Variants in GPC5 observed in about 807,000 individuals in gnomAD.
The protein encoded by GPC5 is glypican 5, also known as glypican-5.
Under a neutral mutation model 53.9 loss-of-function variants are expected in GPC5, and 47 were observed. The observed-to-expected ratio is 0.87, with a 90% confidence interval of 0.69 to 1.11. The LOEUF (loss-of-function observed/expected upper bound fraction) is 1.11, where lower values mean the gene tolerates loss of function less well. Among genes scored for constraint, GPC5 ranks in the 50% most tolerant of loss-of-function variants. GPC5 has a pLI of 0.00. For synonymous variants in GPC5, 286 were observed against 263.3 expected (o/e 1.09, Z -0.84); for missense variants, 748 against 713.1 (o/e 1.05, Z -0.56).
At position 92,023,300 on chromosome 13, in the gene GPC5, A is replaced by G. The variant is rs1217087200; in HGVS notation, c.1401+115243A>G. Among the ~76,000 whole-genome samples the G allele has an allele frequency of 2.0e-5, 3 of 152,110 alleles. No homozygotes were observed. The South Asian group carries it at 6.2e-4, about 31-fold the overall frequency. ...GACGTCATAAATCAAACAGAAGTTA[A>G]GCAAAAGGATCCTAAAAATAATTTT... On this transcript the variant is annotated intron_variant, in intron 6 of 7. Transcript: ENST00000377067.
intron 2 of GPC5, among the ~76,000 whole-genome samples, chr13:91,453,333 G>A (rs1881315974): frequency 6.6e-6 from 1 of 151,832 alleles, no homozygotes; most frequent in South Asian, 2.1e-4. Flanking sequence ...ACTGTAAAGT[G>A]TATAGCTATC....
chr13:92,620,315 T>A (rs1463827815), intron 7 of GPC5, among the ~76,000 whole-genome samples: 1 of 152,044 alleles, frequency 6.6e-6, no homozygotes, highest in South Asian at 2.1e-4. Flanking sequence ...ATTTAGAGGA[T>A]CAATCCAGGT....
chr13:92,110,375 C>T lies in GPC5; in HGVS notation c.1402-34455C>T, dbSNP rs189362841. On this transcript the variant is annotated intron_variant, in intron 6 of 7. Transcript: ENST00000377067. ...TGACAAGAAAGGTCTACTCAAAAAT[C>T]AGACTGATCATGTTTTGCTAAAAAT... 7.1e-4 allele frequency among the ~76,000 whole-genome samples: 108 copies of T among 152,264 alleles called. 1 individual carries two copies. Among genetic ancestry groups the T allele is most frequent in the African/African-American group, 2.4e-3 (99 of 41,546 alleles).
intron 5 of GPC5, among the ~76,000 whole-genome samples, chr13:91,774,050 GT>G: frequency 6.6e-6 from 1 of 152,154 alleles, no homozygotes; most frequent in Middle Eastern, 3.4e-3. Flanking sequence ...CTCTCTAAAA[GT>G]TTTGTAACAG....
chr13:92,507,366 T>C (rs889489237), intron 7 of GPC5, among the ~76,000 whole-genome samples: 2 of 152,252 alleles, frequency 1.3e-5, no homozygotes, highest in African/African-American at 4.8e-5. Flanking sequence ...AGTAAATGTA[T>C]AAATGAAACA....
rs192421689 is a variant in GPC5, at chr13:91,786,231, G to A, written c.1280+29811G>A. The stretch of plus-strand genomic sequence containing the variant: ...ACGCTGGTCTCAAACTCCTGACCTC[G>A]CGATCCGCCTGCGTCAGCCTCCCAA... On this transcript the variant is annotated intron_variant, in intron 5 of 7. Coordinates refer to ENST00000377067, the MANE Select transcript of GPC5 (RefSeq NM_004466.6). 2.8e-3 allele frequency among the ~76,000 whole-genome samples: 419 copies of A among 152,196 alleles called. 1 individual carries two copies. The highest frequency in any genetic ancestry group is 9.6e-3 in the African/African-American group (399 of 41,552).
chr13:92,409,961 A>T (rs1181623538), intron 7 of GPC5, among the ~76,000 whole-genome samples: 1 of 152,216 alleles, frequency 6.6e-6, no homozygotes, highest in African/African-American at 2.4e-5. Context: ...ATGTAAAAAT[A>T]AGGTGTGTAT....
chr13:91,925,157 T>C (rs1195781758), intron 6 of GPC5, among the ~76,000 whole-genome samples: 1 of 152,136 alleles, frequency 6.6e-6, no homozygotes, highest in Non-Finnish European at 1.5e-5. Context: ...TTTCAAGATA[T>C]TGTAAATTTA....
chr13:92,442,431 A>G (rs1317406204), intron 7 of GPC5, among the ~76,000 whole-genome samples: 1 of 152,202 alleles, frequency 6.6e-6, no homozygotes, highest in Non-Finnish European at 1.5e-5. Flanking sequence ...AGACTATACC[A>G]TAGAGTGAGG....
intron 7 of GPC5, among the ~76,000 whole-genome samples, chr13:92,663,364 T>C (rs1886413965): frequency 6.6e-6 from 1 of 151,870 alleles, no homozygotes; most frequent in African/African-American, 2.4e-5. Flanking sequence ...TTGGTTCTGA[T>C]AGGTGAGTAA....
intron 7 of GPC5, among the ~76,000 whole-genome samples, chr13:92,729,337 T>G (rs1888736503): frequency 1.3e-5 from 2 of 151,424 alleles, no homozygotes; most frequent in South Asian, 4.1e-4. Flanking sequence ...ACTACATATG[T>G]CTATTGAGCA....
intron 7 of GPC5, among the ~76,000 whole-genome samples, chr13:92,816,728 C>T (rs1877489959): frequency 6.6e-6 from 1 of 151,978 alleles, no homozygotes; most frequent in Non-Finnish European, 1.5e-5. Context: ...GTACATAGTG[C>T]TTCCAGGCTT....
intron 6 of GPC5, among the ~76,000 whole-genome samples, chr13:92,023,581 G>A (rs2040776091): frequency 6.6e-6 from 1 of 151,520 alleles, no homozygotes; most frequent in Non-Finnish European, 1.5e-5. Context: ...ATTCAGCTAA[G>A]ATTGAGATTC....
chr13:91,839,981 A>G (rs2038766229), intron 5 of GPC5, among the ~76,000 whole-genome samples: 1 of 152,088 alleles, frequency 6.6e-6, no homozygotes, highest in Non-Finnish European at 1.5e-5. Flanking sequence ...CTTATGCACT[A>G]GCAATGAGGA....
intron 4 of GPC5, among the ~76,000 whole-genome samples, chr13:91,730,358 T>C (rs1166360327): frequency 6.6e-6 from 1 of 152,214 alleles, no homozygotes; most frequent in Non-Finnish European, 1.5e-5. Context: ...GAGTGGATGC[T>C]GAGTCTGGGC....
At chr13:92,267,564 T>C (rs2042811200) in intron 7 of GPC5, among the ~76,000 whole-genome samples, 1 of 152,158 alleles carries the variant, frequency 6.6e-6, no homozygotes, top group African/African-American at 2.4e-5. Context: ...TAGTAAAACC[T>C]GGGACTTGAT....
chr13:92,776,578 A>G (rs900929780), intron 7 of GPC5, among the ~76,000 whole-genome samples: 3 of 152,160 alleles, frequency 2.0e-5, no homozygotes, highest in Non-Finnish European at 4.4e-5. Flanking sequence ...TGTTCTGTCT[A>G]CTCAATGTCT....
chr13:91,871,110 AGAGGTTGGGTGT>A (rs2039139355), intron 5 of GPC5, among the ~76,000 whole-genome samples: 1 of 152,228 alleles, frequency 6.6e-6, no homozygotes, highest in African/African-American at 2.4e-5. Context: ...GTAAATCATA[AGAGGTTGGGTGT>A]GGAATTTTCA....
rs1475677751 is a variant in GPC5, at chr13:91,586,483, G to A, written c.326-106704G>A. Among the ~76,000 whole-genome samples the A allele has an allele frequency of 6.5e-5, 7 of 107,468 alleles. No homozygotes were observed. In the South Asian group the frequency reaches 2.4e-3, roughly 36 times the overall value. The allele number at this position is 107,468 out of a possible 152,430, so 70.5% of individuals were successfully genotyped here. A position where few individuals can be genotyped will look rare whatever the true frequency, so the allele number is the denominator to read the frequency against. ...TACAATCATGGCAGAAGGGGAAGGG[G>A]AATGCAAGGCAGCAGGATATATATA... On this transcript the variant is annotated intron_variant, in intron 2 of 7. Transcript: ENST00000377067.
Sources: allele counts gnomAD v4.1 joint callset (sites outside exome capture counted in the v4.1 genomes callset), GRCh38; gene constraint gnomAD v4.1.1; transcripts MANE v1.5; gene names NCBI Gene and HGNC (gene_info 2026-07-23, HGNC 2026-07-21).